PARD3B: variants seen among roughly 807,000 people sequenced by gnomAD.
The protein encoded by PARD3B is par-3 family cell polarity regulator beta, also known as partitioning defective 3 homolog B.
A neutral mutation model predicts 130.2 loss-of-function variants in PARD3B; 103 were observed. The ratio of observed to expected loss-of-function variants is 0.79; its 90% CI spans 0.67 to 0.93. The LOEUF (loss-of-function observed/expected upper bound fraction) is 0.93, where lower values mean the gene tolerates loss of function less well. Ranked by LOEUF, PARD3B falls within the 40% of genes least tolerant of loss-of-function variation. The pLI, the probability that PARD3B is intolerant of heterozygous loss-of-function variation, is 0.00. For synonymous variants in PARD3B, 583 were observed against 553.2 expected (o/e 1.05, Z -0.76); for missense variants, 1,609 against 1,499.2 (o/e 1.07, Z -1.21).
intron 3 of PARD3B, among the ~76,000 whole-genome samples, chr2:205,009,600 G>A (rs1438371256): frequency 6.6e-6 from 1 of 151,320 alleles, no homozygotes; most frequent in Non-Finnish European, 1.5e-5. Flanking sequence ...GAACCCGGGA[G>A]GCGGAGCTTT....
chr2:204,775,256 A>G (rs1156825750), intron 2 of PARD3B, among the ~76,000 whole-genome samples: 1 of 152,188 alleles, frequency 6.6e-6, no homozygotes, highest in Non-Finnish European at 1.5e-5. Context: ...TGTTTTAGTT[A>G]TCAGAAATTT....
Position 205,615,623 on chromosome 2 carries a change from A to T in PARD3B, c.3428A>T (p.Tyr1143Phe). The T allele has an allele frequency of 1.2e-6, 2 of 1,613,526 alleles. No homozygotes were observed. The highest frequency in any genetic ancestry group is 3.3e-5 in the Admixed American group (2 of 59,978). ...RVADLRYPQH[Y>F]PPPPAPQHKG... ...GCAGATCTCCGGTATCCTCAGCACT[A>T]CCCACCCCCGCCAGCTCCCCAGCAC... Residue 1143 changes from tyrosine (Y) to phenylalanine (F), a missense_variant, in exon 23 of 23, where the codon TAC (tyrosine) becomes TTC (phenylalanine). Physicochemically the swap from Tyr to Phe is conservative, Grantham distance 22. Coordinates refer to ENST00000406610, the MANE Select transcript of PARD3B (RefSeq NM_001302769.2).
intron 10 of PARD3B, among the ~76,000 whole-genome samples, chr2:205,150,252 T>TGTGTGTGTGTGTGC (rs375301293): frequency 1.4e-5 from 2 of 145,886 alleles, no homozygotes; most frequent in African/African-American, 5.1e-5. Flanking sequence ...TGTGTGTGTG[T>TGTGTGTGTGTGTGC]GCACACACGC....
chr2:204,607,789 G>T (rs1217933323), intron 1 of PARD3B, among the ~76,000 whole-genome samples: 1 of 152,154 alleles, frequency 6.6e-6, no homozygotes, highest in Non-Finnish European at 1.5e-5. Flanking sequence ...CAGACTTCGC[G>T]AGAGAGGGAT....
chr2:204,563,256 T>TCTCTCTCTCC (rs2031454911), intron 1 of PARD3B, among the ~76,000 whole-genome samples: 2 of 149,228 alleles, frequency 1.3e-5, no homozygotes, highest in East Asian at 4.0e-4. Context: ...TCTCTCTCTC[T>TCTCTCTCTCC]CTCTCTCTCT....
rs2047136122 is a variant in PARD3B at position 205,426,102 on chromosome 2, G to A, written c.2742-14268G>A. ...ACAAGAAAAATGGGCGGTACTGAAG[G>A]AGATCGTTTAGAAAATATTATAGAC... On this transcript the variant is annotated intron_variant, in intron 19 of 22. Coordinates refer to ENST00000406610, the MANE Select transcript of PARD3B (RefSeq NM_001302769.2). Among the ~76,000 whole-genome samples the A allele has an allele frequency of 2.0e-5, 3 of 152,114 alleles. No individual in the cohort carries two copies. In the South Asian group the frequency reaches 6.2e-4, roughly 32 times the overall value.
chr2:205,470,408 A>G lies in PARD3B; in HGVS notation c.3045-29488A>G, dbSNP rs1441280751. 1.3e-5 allele frequency among the ~76,000 whole-genome samples: 2 copies of G among 152,088 alleles called. No individual in the cohort carries two copies. The highest frequency in any genetic ancestry group is 4.8e-5 in the African/African-American group (2 of 41,404). On this transcript the variant is annotated intron_variant, in intron 20 of 22. Transcript: ENST00000406610. This position sits in a 1 kb window ranked among gnomAD's most constrained non-coding sequence, Gnocchi z 4.8. ...CTCTTCACCAATTTCTTTGTTAACC[A>G]CAGTGCCCATGTATCCACTGTCAGA...
chr2:205,117,950 T>C (rs372081610), intron 6 of PARD3B, among the ~76,000 whole-genome samples: 2 of 4,732 alleles, frequency 4.2e-4, no homozygotes, highest in African/African-American at 6.2e-4. Flanking sequence ...CACACACACA[T>C]ATTTTAATTC....
At chr2:205,262,441 A>G (rs2040351266) in intron 16 of PARD3B, among the ~76,000 whole-genome samples, 1 of 152,090 alleles carries the variant, frequency 6.6e-6, no homozygotes, top group Non-Finnish European at 1.5e-5. Context: ...TTGCACACAC[A>G]ATACCCTTGG....
chr2:204,679,199 C>T (rs977155863), intron 1 of PARD3B, among the ~76,000 whole-genome samples: 2 of 152,070 alleles, frequency 1.3e-5, no homozygotes, highest in African/African-American at 2.4e-5. Context: ...CTACTGGTTA[C>T]GAATATTTGA....
chr2:205,475,631 A>C (rs1402565368), intron 20 of PARD3B, among the ~76,000 whole-genome samples: 2 of 152,172 alleles, frequency 1.3e-5, no homozygotes, highest in Non-Finnish European at 2.9e-5. Flanking sequence ...CTGCAAATAC[A>C]TATGGTGGCA....
At chr2:205,262,630 G>A (rs1224632471) in intron 16 of PARD3B, among the ~76,000 whole-genome samples, 1 of 152,078 alleles carries the variant, frequency 6.6e-6, no homozygotes, top group Non-Finnish European at 1.5e-5. Flanking sequence ...TTACTTGAGT[G>A]TTAAAAGACA....
intron 1 of PARD3B, among the ~76,000 whole-genome samples, chr2:204,682,747 G>A (rs1380830864): frequency 6.6e-6 from 1 of 152,124 alleles, no homozygotes; most frequent in African/African-American, 2.4e-5. Flanking sequence ...TCTTGCTTGG[G>A]CCCCTCCAAG....
rs1052463185 is a variant in PARD3B, at chr2:205,458,980, T to A, written c.3044+18308T>A. Among the ~76,000 whole-genome samples, 6 of 152,188 alleles carry A rather than the reference T, an allele frequency of 3.9e-5. No homozygotes were observed. Among genetic ancestry groups the A allele is most frequent in the Non-Finnish European group, 8.8e-5 (6 of 68,028 alleles). ...CTCCTAGAGGGTAACCTTTCTGTGA[T>A]TCTAACTGAGAGTCTGTGTTGTTTA... is the stretch of plus-strand genomic sequence containing the variant. On this transcript the variant is annotated intron_variant, in intron 20 of 22. Coordinates refer to ENST00000406610, the MANE Select transcript of PARD3B (RefSeq NM_001302769.2). The surrounding 1 kb of genome is among the most constrained non-coding windows in gnomAD (Gnocchi z 4.8).
intron 5 of PARD3B, among the ~76,000 whole-genome samples, chr2:205,108,295 A>ATT (rs1371606855): frequency 3.3e-5 from 5 of 152,150 alleles, no homozygotes; most frequent in Non-Finnish European, 1.5e-5. Context: ...TTTCTAAACC[A>ATT]TAGCGTTTAT....
At chr2:204,653,139 G>A (rs1179964379) in intron 1 of PARD3B, among the ~76,000 whole-genome samples, 1 of 150,992 alleles carries the variant, frequency 6.6e-6, no homozygotes, top group East Asian at 1.9e-4. Flanking sequence ...TTGGGAGGAA[G>A]GAGAGGATCA....
rs539539470 is a variant in PARD3B, at chr2:205,047,972, C to G, written c.504+282C>G. The G allele has an allele frequency of 3.5e-4, 85 of 241,842 alleles. 1 individual carries two copies. The East Asian group carries it at 6.8e-3, about 19-fold the overall frequency. 15.0% of individuals were successfully genotyped at this position (241,842 alleles called of 1,614,324 possible). On this transcript the variant is annotated intron_variant, in intron 4 of 22. Transcript: ENST00000406610. ...TCAAGGTAAGCACATGTTTTTATCT[C>G]CATTTAACTGATAATGAAATTGAGG...
At chr2:205,222,863 G>GA (rs33999195) in intron 15 of PARD3B, among the ~76,000 whole-genome samples, 119,391 of 149,760 alleles carry the variant, frequency 0.8, 47,725 homozygotes, top group East Asian at 0.97. Flanking sequence ...TGTCAGGTGG[G>GA]AAAAAAAAAA....
At chr2:205,485,869 C>G (rs1454878952) in intron 20 of PARD3B, among the ~76,000 whole-genome samples, 1 of 152,152 alleles carries the variant, frequency 6.6e-6, no homozygotes, top group Non-Finnish European at 1.5e-5. Context: ...CTGACCTCCC[C>G]AAGCCAAGTT....
Sources: allele counts gnomAD v4.1 joint callset (sites outside exome capture counted in the v4.1 genomes callset), GRCh38; gene constraint gnomAD v4.1.1; non-coding constraint Gnocchi (gnomAD v3.1); transcripts MANE v1.5; gene names NCBI Gene and HGNC (gene_info 2026-07-23, HGNC 2026-07-21).